Variants in RBFOX1 observed in about 807,000 individuals in gnomAD.
RBFOX1 encodes RNA binding fox-1 homolog 1.
RBFOX1 carries 8 observed loss-of-function variants against 57.7 expected under a neutral mutation model. The ratio of observed to expected loss-of-function variants is 0.14; its 90% CI spans 0.08 to 0.25. The LOEUF (loss-of-function observed/expected upper bound fraction) is 0.25. Among genes scored for constraint, RBFOX1 ranks in the 10% least tolerant of loss-of-function variants. The pLI, the probability that RBFOX1 is intolerant of heterozygous loss-of-function variation, is 1.00. For synonymous variants in RBFOX1, 326 were observed against 222.4 expected (o/e 1.47, Z -4.15); for missense variants, 611 against 548.5 (o/e 1.11, Z -1.14).
At chr16:5,768,710 C>T (rs1357715136) in intron 3 of RBFOX1, among the ~76,000 whole-genome samples, 7 of 152,098 alleles carry the variant, frequency 4.6e-5, no homozygotes, top group African/African-American at 9.7e-5. Context: ...GCCCAGCCCA[C>T]GTAGGTGCTG....
At chr16:5,803,179 C>G (rs2151757720) in intron 3 of RBFOX1, among the ~76,000 whole-genome samples, 1 of 152,278 alleles carries the variant, frequency 6.6e-6, no homozygotes, top group African/African-American at 2.4e-5. Flanking sequence ...CAAAATAAAA[C>G]CTTACCTCAT....
At chr16:6,042,428 G>A (rs774290509) in intron 1 of RBFOX1, among the ~76,000 whole-genome samples, 3 of 152,078 alleles carry the variant, frequency 2.0e-5, no homozygotes, top group Non-Finnish European at 2.9e-5. Context: ...GGTTCTCCGT[G>A]ATTATACTGG....
At chr16:6,245,887 A>G (rs2097566492) in intron 1 of RBFOX1, among the ~76,000 whole-genome samples, 2 of 152,190 alleles carry the variant, frequency 1.3e-5, no homozygotes, top group African/African-American at 2.4e-5. Context: ...GACACAGAGT[A>G]TCTTATTCTC....
Position 7,649,687 on chromosome 16 carries a change from G to A in RBFOX1, c.758-4128G>A, listed in dbSNP as rs150383017. Among the ~76,000 whole-genome samples, 83 of 152,282 alleles carry A rather than the reference G, an allele frequency of 5.5e-4. No individual in the cohort carries two copies. The East Asian group carries it at 0.016, about 29-fold the overall frequency. On this transcript the variant is annotated intron_variant, in intron 11 of 15. Coordinates refer to ENST00000550418, the MANE Select transcript of RBFOX1 (RefSeq NM_018723.4). ...AACATTGGTTAACCACTGACAGGGT[G>A]TCCAGGCACAGTATTAGGTACCTGA...
chr16:5,400,463 A>G (rs1024487973), intron 1 of RBFOX1, among the ~76,000 whole-genome samples: 2 of 152,158 alleles, frequency 1.3e-5, no homozygotes, highest in African/African-American at 4.8e-5. Context: ...TTCTAGTTTT[A>G]TGTATGCATA....
intron 3 of RBFOX1, among the ~76,000 whole-genome samples, chr16:5,848,269 T>C (rs2151859456): frequency 6.6e-6 from 1 of 152,276 alleles, no homozygotes; most frequent in South Asian, 2.1e-4. Flanking sequence ...AAGGTGGTTC[T>C]CCTGTGCAGC....
chr16:6,301,094 A>G (rs1049496225), intron 1 of RBFOX1, among the ~76,000 whole-genome samples: 1 of 152,152 alleles, frequency 6.6e-6, no homozygotes, highest in Admixed American at 6.5e-5. Context: ...AAAATCCTTG[A>G]GGATCAGAAA....
chr16:7,446,498 G>A (rs566496536), intron 4 of RBFOX1, among the ~76,000 whole-genome samples: 2 of 152,294 alleles, frequency 1.3e-5, no homozygotes, highest in African/African-American at 2.4e-5. Flanking sequence ...ATGTTTTAAT[G>A]AGGTTGGAAG....
At position 5,729,745 on chromosome 16, in the gene RBFOX1, A is replaced by G. The variant is rs371974982; in HGVS notation, c.318+130784A>G. 6.6e-5 allele frequency among the ~76,000 whole-genome samples: 10 copies of G among 152,282 alleles called. No individual in the cohort carries two copies. In the South Asian group the frequency reaches 1.7e-3, roughly 25 times the overall value. On this transcript the variant is annotated intron_variant, in intron 3 of 19. Transcript: ENST00000641259. ...TCTACTCTTATCGCAACTGGGGTTC[A>G]GTCATAGAGAACAGACACCACTCTA... is the stretch of plus-strand genomic sequence containing the variant.
chr16:5,950,545 G>A (rs1015031724), intron 4 of RBFOX1, among the ~76,000 whole-genome samples: 1 of 152,152 alleles, frequency 6.6e-6, no homozygotes, highest in Non-Finnish European at 1.5e-5. Flanking sequence ...CGGGCTCATA[G>A]ATCCTTCTTA....
chr16:5,341,344 T>C (rs765217129), intron 1 of RBFOX1, among the ~76,000 whole-genome samples: 2 of 152,122 alleles, frequency 1.3e-5, no homozygotes, highest in Non-Finnish European at 2.9e-5. Flanking sequence ...AATAGGTTGG[T>C]GAGAGGCAAG....
intron 1 of RBFOX1, among the ~76,000 whole-genome samples, chr16:6,029,528 C>G (rs1168681754): frequency 6.6e-6 from 1 of 151,290 alleles, no homozygotes; most frequent in Non-Finnish European, 1.5e-5. Context: ...AATCCCAGCA[C>G]TTTGGGAGGC....
At chr16:6,579,515 T>A (rs1479103903) in intron 2 of RBFOX1, among the ~76,000 whole-genome samples, 1 of 152,152 alleles carries the variant, frequency 6.6e-6, no homozygotes, top group Non-Finnish European at 1.5e-5. Flanking sequence ...GGGAGCGAGT[T>A]CTCACAAAAC....
chr16:6,636,194 G>A (rs529000347), intron 2 of RBFOX1, among the ~76,000 whole-genome samples: 119 of 152,200 alleles, frequency 7.8e-4, no homozygotes, highest in African/African-American at 2.9e-3. Flanking sequence ...TTTTTGAGAT[G>A]GAGTCTCGCT....
intron 11 of RBFOX1, among the ~76,000 whole-genome samples, chr16:7,647,862 A>T (rs901949666): frequency 4.6e-5 from 7 of 152,204 alleles, no homozygotes; most frequent in Non-Finnish European, 1.5e-5. Context: ...GATAGATGAC[A>T]TAACTCTCAC....
chr16:7,319,913 A>C (rs1450788044), intron 4 of RBFOX1, among the ~76,000 whole-genome samples: 1 of 152,180 alleles, frequency 6.6e-6, no homozygotes, highest in Non-Finnish European at 1.5e-5. Flanking sequence ...GGATGAGTCA[A>C]AGTGTTGGAG....
At chr16:5,425,517 C>T (rs2067532534) in intron 1 of RBFOX1, among the ~76,000 whole-genome samples, 1 of 152,142 alleles carries the variant, frequency 6.6e-6, no homozygotes, top group Admixed American at 6.5e-5. Flanking sequence ...AAAGAGGACC[C>T]AGAGATGCTA....
At chr16:6,676,154 A>G (rs749841330) in intron 3 of RBFOX1, among the ~76,000 whole-genome samples, 12,280 of 142,526 alleles carry the variant, frequency 0.086, 598 homozygotes, top group East Asian at 0.13. Context: ...ACACACACAC[A>G]CACACACACA....
intron 2 of RBFOX1, among the ~76,000 whole-genome samples, chr16:6,504,092 C>T (rs1286376432): frequency 6.6e-6 from 1 of 152,122 alleles, no homozygotes; most frequent in Non-Finnish European, 1.5e-5. Context: ...TTTGTTCCTT[C>T]AGTGAAATGG....
Sources: gnomAD v4.1 joint callset for allele counts (sites outside exome capture counted in the v4.1 genomes callset) on GRCh38, gnomAD v4.1.1 for gene constraint, MANE v1.5 for transcripts, NCBI Gene and HGNC (gene_info 2026-07-23, HGNC 2026-07-21) for gene names.